VCF1: variants seen among roughly 807,000 people sequenced by gnomAD.
VCF1 encodes VCP nuclear cofactor family member 1, also known as protein VCF1.
chr17:73,209,439 TGCAA>T, the VCF1 span: 8 of 1,462,312 alleles, frequency 5.5e-6, no homozygotes, highest in Admixed American at 4.4e-5. Flanking sequence ...ATTTTTCGTG[TGCAA>T]TTTTTCTTTT....
chr17:73,231,812 C>A, the VCF1 span, among the ~76,000 whole-genome samples: 414 of 151,982 alleles, frequency 2.7e-3, 1 homozygote, highest in African/African-American at 9.7e-3. Context: ...CTTCCGGGAC[C>A]GATCACACTT....
the VCF1 span, chr17:73,232,015 T>G: frequency 2.0e-6 from 3 of 1,467,186 alleles, no homozygotes; most frequent in Non-Finnish European, 2.7e-6. Context: ...GACCCCCATT[T>G]CGCGCGCCCC....
At chr17:73,207,908 G>A in the VCF1 span, 74 of 1,183,898 alleles carry the variant, frequency 6.3e-5, no homozygotes, top group African/African-American at 1.1e-3. Context: ...CAAGTATCTG[G>A]CTTTAAAAGT....
the VCF1 span, chr17:73,208,685 C>G: frequency 1.8e-6 from 1 of 565,682 alleles, no homozygotes; most frequent in Non-Finnish European, 3.2e-6. Context: ...TATCAGCGTT[C>G]AACAACACCT....
the VCF1 span, chr17:73,212,635 G>A: frequency 4.6e-6 from 7 of 1,519,012 alleles, no homozygotes; most frequent in East Asian, 1.6e-4. Context: ...TGCGAATCAT[G>A]AATATTTAAC....
the VCF1 span, among the ~76,000 whole-genome samples, chr17:73,223,589 CAAAAA>C: frequency 5.9e-5 from 9 of 151,610 alleles, no homozygotes; most frequent in East Asian, 1.7e-3. Flanking sequence ...TGTACTTAAG[CAAAAA>C]GGTTAACTTT....
the VCF1 span, chr17:73,209,722 C>G: frequency 1.0e-6 from 1 of 986,580 alleles, no homozygotes; most frequent in Non-Finnish European, 1.4e-6. Context: ...GCTATTGATG[C>G]TGCTGCTGCT....
At chr17:73,214,866 G>C in the VCF1 span, among the ~76,000 whole-genome samples, 1 of 152,156 alleles carries the variant, frequency 6.6e-6, no homozygotes, top group African/African-American at 2.4e-5. Flanking sequence ...CATCAAATAG[G>C]AATCCCACTC....
At chr17:73,220,959 T>G in the VCF1 span, among the ~76,000 whole-genome samples, 1 of 139,428 alleles carries the variant, frequency 7.2e-6, no homozygotes, top group Admixed American at 7.9e-5. Context: ...AGTGCAGTGG[T>G]GCAATCTCAG....
chr17:73,221,734 A>C, the VCF1 span, among the ~76,000 whole-genome samples: 1 of 152,142 alleles, frequency 6.6e-6, no homozygotes, highest in Non-Finnish European at 1.5e-5. Flanking sequence ...CACAAAAAAA[A>C]TTTTAAAACT....
chr17:73,207,574 GT>G, the VCF1 span: 1 of 767,972 alleles, frequency 1.3e-6, no homozygotes, highest in Non-Finnish European at 2.0e-6. Flanking sequence ...CATTGTACTT[GT>G]TTGGAGAAAA....
At chr17:73,225,762 G>C in the VCF1 span, among the ~76,000 whole-genome samples, 1 of 150,390 alleles carries the variant, frequency 6.6e-6, no homozygotes, top group African/African-American at 2.5e-5. Flanking sequence ...CTCTAATCTT[G>C]TTTTCTTTCA....
the VCF1 span, among the ~76,000 whole-genome samples, chr17:73,221,516 A>G: frequency 4.5e-4 from 67 of 147,258 alleles, 4 homozygotes; most frequent in African/African-American, 1.6e-3. Flanking sequence ...AAATCATTTC[A>G]CTTCTTGCTC....
At chr17:73,211,016 GAGAA>G in the VCF1 span, among the ~76,000 whole-genome samples, 1 of 152,186 alleles carries the variant, frequency 6.6e-6, no homozygotes, top group Non-Finnish European at 1.5e-5. Context: ...TTCAGCACAT[GAGAA>G]AGAATTCTAG....
chr17:73,226,514 G>A, the VCF1 span, among the ~76,000 whole-genome samples: 1 of 152,156 alleles, frequency 6.6e-6, no homozygotes. Context: ...AAAATCTCTA[G>A]GTGCATAACT....
chr17:73,209,653 G>A, the VCF1 span: 1 of 1,554,594 alleles, frequency 6.4e-7, no homozygotes. Context: ...AGGCGTGTTA[G>A]GGCTGGATCC....
chr17:73,215,200 C>G, the VCF1 span, among the ~76,000 whole-genome samples: 2 of 152,212 alleles, frequency 1.3e-5, no homozygotes, highest in Non-Finnish European at 2.9e-5. Context: ...TAAAACCTAC[C>G]ACTGTATCCT....
chr17:73,232,234 C>A, the VCF1 span: 1 of 1,611,864 alleles, frequency 6.2e-7, no homozygotes, highest in Non-Finnish European at 8.5e-7. Flanking sequence ...CGGGTGGACG[C>A]AGCCGGTGGC....
chr17:73,208,539 C>A, the VCF1 span: 3 of 1,457,452 alleles, frequency 2.1e-6, no homozygotes, highest in South Asian at 2.3e-5. Flanking sequence ...CTCAGCCACA[C>A]CAATCTTTCC....
Sources: gnomAD v4.1 joint callset for allele counts (sites outside exome capture counted in the v4.1 genomes callset) on GRCh38, gnomAD v4.1.1 for gene constraint, MANE v1.5 for transcripts, NCBI Gene and HGNC (gene_info 2026-07-23, HGNC 2026-07-21) for gene names.